Variants in ACTR3C observed in about 807,000 individuals in gnomAD.
ACTR3C encodes the protein actin related protein 3C.
In ACTR3C, 18 loss-of-function variants were observed where a neutral mutation model predicts 26.3. That is an observed-to-expected ratio of 0.68 (90% confidence interval 0.47 to 1.01). The LOEUF is 1.01. ACTR3C is among the 50% of genes least tolerant of loss of function. The probability of loss-of-function intolerance (pLI) is 0.00; values close to 1 mark genes in which losing one functional copy is unlikely to be tolerated. For missense variants in ACTR3C, 184 were observed against 250.7 expected (o/e 0.73, Z 1.80); for synonymous variants, 55 against 94.5 (o/e 0.58, Z 2.42).
the ACTR3C span, among the ~76,000 whole-genome samples, chr7:150,205,899 A>G: frequency 1.3e-5 from 2 of 152,080 alleles, no homozygotes; most frequent in African/African-American, 2.4e-5. Flanking sequence ...TTTGCTCAAC[A>G]AAAACAGTTT....
At chr7:150,223,019 T>G in the ACTR3C span, among the ~76,000 whole-genome samples, 1 of 152,260 alleles carries the variant, frequency 6.6e-6, no homozygotes, top group South Asian at 2.1e-4. Context: ...TTGACAGTTA[T>G]GTATATTTGT....
At chr7:150,262,541 T>C (rs1276288468) in intron 6 of ACTR3C, among the ~76,000 whole-genome samples, 3 of 152,230 alleles carry the variant, frequency 2.0e-5, no homozygotes, top group Non-Finnish European at 4.4e-5. Context: ...CATTTTCCTT[T>C]CTCCCATGAA....
At chr7:149,886,501 G>A in the ACTR3C span, among the ~76,000 whole-genome samples, 4 of 151,932 alleles carry the variant, frequency 2.6e-5, no homozygotes, top group Non-Finnish European at 4.4e-5. Context: ...GAAAAGCAGA[G>A]TATTGAGAGG....
the ACTR3C span, among the ~76,000 whole-genome samples, chr7:150,134,339 A>AG: frequency 6.6e-6 from 1 of 152,070 alleles, no homozygotes; most frequent in Non-Finnish European, 1.5e-5. Context: ...TGGGAGGTAA[A>AG]GGGCTGGGGA....
intron 6 of ACTR3C, among the ~76,000 whole-genome samples, chr7:150,250,279 C>G (rs1384155057): frequency 3.4e-5 from 5 of 149,088 alleles, no homozygotes; most frequent in Non-Finnish European, 7.4e-5. Context: ...TCTCGGCTCA[C>G]TGCAAGCTCT....
the ACTR3C span, among the ~76,000 whole-genome samples, chr7:150,082,738 T>C: frequency 0.03 from 4,519 of 152,112 alleles, 70 homozygotes; most frequent in Non-Finnish European, 0.048. Flanking sequence ...AAAATAAACA[T>C]AACCTTTATG....
the ACTR3C span, among the ~76,000 whole-genome samples, chr7:150,046,593 C>T: frequency 1.4e-5 from 2 of 140,572 alleles, no homozygotes; most frequent in Non-Finnish European, 3.1e-5. Flanking sequence ...CACAGCCTAG[C>T]TGTTATAAGA....
At chr7:150,199,649 TAAATA>T in the ACTR3C span, among the ~76,000 whole-genome samples, 2 of 68,530 alleles carry the variant, frequency 2.9e-5, no homozygotes, top group South Asian at 8.1e-4. Flanking sequence ...TAAAAAAAAA[TAAATA>T]AAAAAAAATA....
the ACTR3C span, among the ~76,000 whole-genome samples, chr7:149,938,877 T>C: frequency 1.3e-5 from 2 of 149,486 alleles, no homozygotes; most frequent in African/African-American, 2.4e-5. Context: ...CTTCATCTAT[T>C]ACAGTAGGAA....
At chr7:149,911,392 C>T in the ACTR3C span, among the ~76,000 whole-genome samples, 7 of 151,794 alleles carry the variant, frequency 4.6e-5, no homozygotes, top group South Asian at 2.1e-4. Context: ...GAGTTCCACA[C>T]GCTGCCCAGA....
the ACTR3C span, among the ~76,000 whole-genome samples, chr7:150,219,606 T>C: frequency 7.3e-6 from 1 of 137,602 alleles, no homozygotes; most frequent in African/African-American, 3.4e-5. Context: ...TCTGGGTTTT[T>C]TGCGCGTGGG....
the ACTR3C span, among the ~76,000 whole-genome samples, chr7:150,086,282 A>G: frequency 0.15 from 20,575 of 137,940 alleles, no homozygotes; most frequent in African/African-American, 0.21. Flanking sequence ...AGCCCCATGC[A>G]TTATTTTGAC....
chr7:150,127,139 G>GACACACACACACAC, the ACTR3C span, among the ~76,000 whole-genome samples: 4 of 129,598 alleles, frequency 3.1e-5, no homozygotes, highest in Non-Finnish European at 6.6e-5. Flanking sequence ...CCTACCATTA[G>GACACACACACACAC]ACACACACAC....
chr7:150,302,619 T>C (rs1388384592), intron 1 of ACTR3C, among the ~76,000 whole-genome samples: 3 of 152,060 alleles, frequency 2.0e-5, no homozygotes, highest in African/African-American at 7.2e-5. Flanking sequence ...AATGAAAATA[T>C]ACTAAATGTC....
the ACTR3C span, among the ~76,000 whole-genome samples, chr7:149,884,029 A>G: frequency 5.3e-5 from 8 of 152,150 alleles, no homozygotes; most frequent in Non-Finnish European, 8.8e-5. Flanking sequence ...CCTGCTGGCC[A>G]TAGGGTCCAC....
the ACTR3C span, among the ~76,000 whole-genome samples, chr7:150,003,419 AGTGTGTTATGTGGTGTATGTGGTAC>A: frequency 4.6e-5 from 7 of 150,660 alleles, no homozygotes; most frequent in African/African-American, 1.7e-4. Context: ...TGTGGCATGT[AGTGTGTTATGTGGTGTATGTGGTAC>A]TGTGGGGTGT....
chr7:149,965,941 C>A, the ACTR3C span, among the ~76,000 whole-genome samples: 1 of 152,196 alleles, frequency 6.6e-6, no homozygotes, highest in African/African-American at 2.4e-5. Context: ...CAGTCAGGAC[C>A]CTTGGCTCCG....
chr7:150,136,316 G>T, the ACTR3C span, among the ~76,000 whole-genome samples: 1 of 152,168 alleles, frequency 6.6e-6, no homozygotes, highest in African/African-American at 2.4e-5. Flanking sequence ...TGAGACACAC[G>T]TTTTCCAGAA....
At chr7:150,180,783 T>C in the ACTR3C span, among the ~76,000 whole-genome samples, 1 of 149,040 alleles carries the variant, frequency 6.7e-6, no homozygotes, top group South Asian at 2.1e-4. Context: ...GTGCTGGGAT[T>C]ACAGGCGTGA....
Sources: gnomAD v4.1 joint callset for allele counts (sites outside exome capture counted in the v4.1 genomes callset) on GRCh38, gnomAD v4.1.1 for gene constraint, MANE v1.5 for transcripts, NCBI Gene and HGNC (gene_info 2026-07-23, HGNC 2026-07-21) for gene names.